Variants in PIKFYVE observed in about 807,000 individuals in gnomAD.
PIKFYVE encodes 1-phosphatidylinositol 3-phosphate 5-kinase.
Under a neutral mutation model 257.9 loss-of-function variants are expected in PIKFYVE, and 122 were observed. The ratio of observed to expected loss-of-function variants is 0.47; its 90% CI spans 0.41 to 0.55. PIKFYVE has a LOEUF of 0.55. PIKFYVE is among the 20% of genes least tolerant of loss of function. PIKFYVE has a pLI of 0.00. For missense variants in PIKFYVE, 2,160 were observed against 2,536.6 expected, an observed-to-expected ratio of 0.85 and a Z score of 3.19; for synonymous variants, 892 against 868.9, an observed-to-expected ratio of 1.03 and a Z score of -0.47.
At chr2:208,344,019 C>G (rs1023890923) in intron 32 of PIKFYVE, among the ~76,000 whole-genome samples, 9 of 151,948 alleles carry the variant, frequency 5.9e-5, no homozygotes, top group Admixed American at 5.2e-4. Flanking sequence ...AGGATTTCAC[C>G]ATGTTGGCCG....
chr2:208,353,731 C>T (rs1011057842), intron 39 of PIKFYVE, among the ~76,000 whole-genome samples, 167 bp from the exon 40 acceptor site: 6 of 152,052 alleles, frequency 3.9e-5, no homozygotes, highest in Non-Finnish European at 5.9e-5. Context: ...AATGATATCA[C>T]CATGCGTTTA....
chr2:208,286,307 C>T (rs766021640), intron 6 of PIKFYVE, among the ~76,000 whole-genome samples: 19 of 152,144 alleles, frequency 1.2e-4, no homozygotes, highest in Non-Finnish European at 2.1e-4. Context: ...ATGTAGCCTT[C>T]TGTGAGAAGA....
chr2:208,328,330 C>T, intron 21 of PIKFYVE, 50 bp downstream of exon 21: 1 of 1,604,222 alleles, frequency 6.2e-7, no homozygotes, highest in Non-Finnish European at 8.5e-7. Context: ...AGAATTCCAG[C>T]AATTAAAAAA....
At chr2:208,355,083 A>G (rs906763647) in intron 41 of PIKFYVE, 107 bp from the exon 42 acceptor site, 1 of 851,398 alleles carries the variant, frequency 1.2e-6, no homozygotes, top group African/African-American at 1.7e-5. Flanking sequence ...CTGCTTCTGC[A>G]TGTGTATCTT....
chr2:208,326,578 C>A, intron 20 of PIKFYVE, 149 bp downstream of exon 20: 1 of 876,130 alleles, frequency 1.1e-6, no homozygotes, highest in Non-Finnish European at 1.8e-6. Context: ...TGTCTTGAGT[C>A]TGCTGGCTTA....
At chr2:208,287,076 G>A (rs10197958) in intron 6 of PIKFYVE, among the ~76,000 whole-genome samples, 141,457 of 152,086 alleles carry the variant, frequency 0.93, 66,314 homozygotes, top group Non-Finnish European at 0.98. Context: ...TCATGTCACC[G>A]GGAAAATTTA....
chr2:208,266,197 G>C (rs1048793121), upstream of PIKFYVE: 2 of 151,980 alleles, frequency 1.3e-5, no homozygotes, highest in African/African-American at 2.4e-5. Flanking sequence ...CGGCCCCCGG[G>C]AAAGATTTCG....
chr2:208,325,757 C>T lies in PIKFYVE; in HGVS notation c.2946C>T (p.Leu982=), dbSNP rs1222593115. The part of the protein sequence containing the change: ...FAPVPESLLP[L]PVDDQQDALG... Reference sequence around the variant, plus strand: ...CTGTACCGGAATCATTGTTGCCACTCCCTGTGGATGACCAACAAGATGCTT... The same window carrying T: ...CTGTACCGGAATCATTGTTGCCACTTCCTGTGGATGACCAACAAGATGCTT... Residue 982 remains leucine (L), a synonymous_variant, in exon 20 of 42, where the codon CTC becomes CTT. Transcript: ENST00000264380. 1.9e-6 allele frequency: 3 copies of T among 1,613,752 alleles called. No homozygotes were observed. Among genetic ancestry groups the T allele is most frequent in the Admixed American group, 1.7e-5 (1 of 59,994 alleles).
At chr2:208,329,942 A>G (rs1048229170) in intron 22 of PIKFYVE, 29 bp downstream of exon 22, 2 of 1,606,242 alleles carry the variant, frequency 1.2e-6, no homozygotes, top group Non-Finnish European at 1.7e-6. Flanking sequence ...CTTCTGTTCC[A>G]TTACACATTT....
intron 3 of PIKFYVE, 22 bp from the exon 4 acceptor site, chr2:208,276,690 C>CT (rs535284184): frequency 2.4e-4 from 365 of 1,544,362 alleles, no homozygotes; most frequent in Admixed American, 3.7e-4. Flanking sequence ...AACAAGGTTG[C>CT]TTTTTTTTTA....
rs869195257 is a variant in PIKFYVE, at chr2:208,321,575, G to GT, written c.2190+1235dup. Among the ~76,000 whole-genome samples, 71 of 143,094 alleles carry GT rather than the reference G, an allele frequency of 5.0e-4. 1 individual carries two copies. Among genetic ancestry groups the GT allele is most frequent in the African/African-American group, 1.8e-3 (71 of 38,690 alleles). 93.9% of individuals were successfully genotyped at this position (143,094 alleles called of 152,430 possible). On this transcript the variant is annotated intron_variant, in intron 17 of 41. Transcript: ENST00000264380. ...TTCTTTTTTCTTTTTCTTTTCTTTT[G>GT]TTTTTTTTTTTTTTTTTTTGAGACG...
intron 20 of PIKFYVE, among the ~76,000 whole-genome samples, chr2:208,326,848 A>T (rs973585991): frequency 2.0e-5 from 3 of 152,216 alleles, no homozygotes; most frequent in Non-Finnish European, 2.9e-5. Flanking sequence ...TCTCAAAAAA[A>T]GTTAGCTCTT....
chr2:208,285,109 T>C (rs1331575239), intron 5 of PIKFYVE, among the ~76,000 whole-genome samples: 1 of 152,182 alleles, frequency 6.6e-6, no homozygotes, highest in African/African-American at 2.4e-5. Context: ...TATTTATTTA[T>C]TTTGAGACGG....
At chr2:208,301,152 T>C (rs1693630193) in intron 9 of PIKFYVE, 58 bp downstream of exon 9, 2 of 1,588,748 alleles carry the variant, frequency 1.3e-6, no homozygotes, top group Middle Eastern at 1.7e-4. Context: ...AGAAAACATA[T>C]TTGAAGATAG....
intron 24 of PIKFYVE, 117 bp downstream of exon 24, chr2:208,333,610 C>A: frequency 9.2e-7 from 1 of 1,081,286 alleles, no homozygotes; most frequent in Non-Finnish European, 1.4e-6. Flanking sequence ...CATTTATACC[C>A]TTATAAATGC....
intron 9 of PIKFYVE, 60 bp downstream of exon 9, chr2:208,301,154 T>G: frequency 6.3e-7 from 1 of 1,585,010 alleles, no homozygotes. Flanking sequence ...AAAACATATT[T>G]GAAGATAGTA....
chr2:208,351,238 A>C (rs1009928289), intron 37 of PIKFYVE, 114 bp from the exon 38 acceptor site: 37 of 981,946 alleles, frequency 3.8e-5, no homozygotes, highest in Non-Finnish European at 5.0e-5. Flanking sequence ...TGACATTAGA[A>C]AATTCCCCTT....
Position 208,315,367 on chromosome 2 carries a change from C to T in PIKFYVE, c.2001C>T (p.Ile667=), listed in dbSNP as rs776524286. 1 of 1,613,916 alleles carries T rather than the reference C, an allele frequency of 6.2e-7. No individual in the cohort carries two copies. The highest frequency in any genetic ancestry group is 1.1e-5 in the South Asian group (1 of 91,072). ...DDMDIRQFVH[I]KKIPGGKKFD... Reference sequence around the variant, plus strand: ...TGGATATCCGTCAGTTTGTCCACATCAAAAAAGTGAGCTCTGCTAATGTTT... The same window carrying T: ...TGGATATCCGTCAGTTTGTCCACATTAAAAAAGTGAGCTCTGCTAATGTTT... The change falls in exon 15 of 42, where the codon ATC becomes ATT. Residue 667 remains isoleucine (I), a synonymous_variant. Transcript: ENST00000264380.
chr2:208,349,686 GA>G (rs1488523084), intron 35 of PIKFYVE, among the ~76,000 whole-genome samples: 3 of 151,978 alleles, frequency 2.0e-5, no homozygotes, highest in Non-Finnish European at 2.9e-5. Flanking sequence ...CACACATGGG[GA>G]AAATAGTCAT....
Sources: allele counts gnomAD v4.1 joint callset (sites outside exome capture counted in the v4.1 genomes callset), GRCh38; gene constraint gnomAD v4.1.1; transcripts MANE v1.5; gene names NCBI Gene and HGNC (gene_info 2026-07-23, HGNC 2026-07-21).